ANK2: variants seen among roughly 807,000 people sequenced by gnomAD.
ANK2 encodes ankyrin-2.
In ANK2, 83 loss-of-function variants were observed where a neutral mutation model predicts 360.5. That is an observed-to-expected ratio of 0.23 (90% CI 0.19 to 0.28). ANK2 has a LOEUF of 0.28. ANK2 is among the 10% of genes least tolerant of loss of function. ANK2 has a pLI of 1.00. For synonymous variants in ANK2, 1,740 were observed against 1,759.5 expected (o/e 0.99, Z 0.28); for missense variants, 4,201 against 4,795.7 (o/e 0.88, Z 3.66).
intron 10 of ANK2, among the ~76,000 whole-genome samples, chr4:113,252,713 T>C (rs2047124300): frequency 6.6e-6 from 1 of 152,192 alleles, no homozygotes; most frequent in South Asian, 2.1e-4. Context: ...ATTCACATCA[T>C]GCCCTTACCT....
At chr4:112,845,850 G>A (rs184668042) in intron 1 of ANK2, among the ~76,000 whole-genome samples, 3 of 152,272 alleles carry the variant, frequency 2.0e-5, no homozygotes, top group African/African-American at 4.8e-5. Flanking sequence ...TCTTCACATC[G>A]GTGGTTCTGG....
chr4:113,042,682 T>A (rs962731352), intron 2 of ANK2, among the ~76,000 whole-genome samples: 8 of 152,152 alleles, frequency 5.3e-5, no homozygotes, highest in Admixed American at 2.0e-4. Context: ...AAGCTACCAT[T>A]CAACTATGTG....
At chr4:112,910,984 A>T in intron 2 of ANK2, among the ~76,000 whole-genome samples, 1 of 126,606 alleles carries the variant, frequency 7.9e-6, no homozygotes. Flanking sequence ...TTTTAGATGG[A>T]GTCTCGCTCT....
At chr4:113,375,024 T>C (rs2096875307) in intron 45 of ANK2, 2 of 784,324 alleles carry the variant, frequency 2.5e-6, no homozygotes, top group Non-Finnish European at 3.2e-6. Flanking sequence ...TCGTTTGTCA[T>C]TGTATCATTC....
intron 2 of ANK2, among the ~76,000 whole-genome samples, chr4:112,973,477 C>A (rs570264909): frequency 5.4e-4 from 83 of 152,324 alleles, no homozygotes; most frequent in African/African-American, 1.9e-3. Flanking sequence ...GCTGTTCCAT[C>A]TTCTCTTTCC....
intron 9 of ANK2, among the ~76,000 whole-genome samples, chr4:113,247,966 C>T (rs2043950599): frequency 1.3e-5 from 2 of 152,330 alleles, no homozygotes; most frequent in East Asian, 3.9e-4. Flanking sequence ...TCATTGTCAT[C>T]ACTTTGCTGG....
the ANK2 span, among the ~76,000 whole-genome samples, chr4:112,771,861 A>G: frequency 1.3e-5 from 2 of 152,184 alleles, no homozygotes; most frequent in Non-Finnish European, 2.9e-5. Flanking sequence ...CTGAGATTAC[A>G]GGGGTGAGCC....
intron 1 of ANK2, among the ~76,000 whole-genome samples, chr4:113,124,489 G>C (rs1370078353): frequency 6.6e-6 from 1 of 152,020 alleles, no homozygotes; most frequent in East Asian, 1.9e-4. Flanking sequence ...CTTTTGTTTG[G>C]TTGGTTGGTC....
intron 2 of ANK2, among the ~76,000 whole-genome samples, chr4:113,033,192 C>CT (rs142064940): frequency 0.034 from 5,105 of 152,118 alleles, 276 homozygotes; most frequent in African/African-American, 0.11. Flanking sequence ...GATAACATCT[C>CT]TATTTTGTAT....
intron 2 of ANK2, among the ~76,000 whole-genome samples, chr4:112,920,869 G>A (rs1334340404): frequency 1.3e-5 from 2 of 152,036 alleles, no homozygotes; most frequent in African/African-American, 4.8e-5. Flanking sequence ...TGCTTTGAAT[G>A]CCAAATAGAA....
chr4:113,085,378 A>G (rs777568006), intron 1 of ANK2, among the ~76,000 whole-genome samples: 7 of 151,930 alleles, frequency 4.6e-5, no homozygotes, highest in Admixed American at 3.3e-4. Flanking sequence ...CAGTGGCCCA[A>G]TCTTGGCTCA....
chr4:113,100,702 A>C (rs1562066035), intron 1 of ANK2, among the ~76,000 whole-genome samples: 1 of 152,112 alleles, frequency 6.6e-6, no homozygotes, highest in Non-Finnish European at 1.5e-5. Flanking sequence ...CTTTATTCAT[A>C]ATTGTGAAAA....
At position 113,364,984 on chromosome 4, in the gene ANK2, AG is replaced by A. The variant is rs1157830889; in HGVS notation, c.10889-54del. 6.2e-6 allele frequency: 10 copies of A among 1,610,000 alleles called. No individual in the cohort carries two copies. In the African/African-American group the frequency reaches 1.1e-4, roughly 17 times the overall value. On this transcript the variant is annotated intron_variant, in intron 40 of 45. Transcript: ENST00000357077. ...ATTTAGTAAGGCAGTTGAGTGAAAG[AG>A]ATTTTTAAGAGTACCTCTCAGACAT... is the stretch of plus-strand genomic sequence containing the variant.
At chr4:113,380,017 C>T (rs1261912747) in intron 45 of ANK2, among the ~76,000 whole-genome samples, 1 of 152,096 alleles carries the variant, frequency 6.6e-6, no homozygotes, top group Non-Finnish European at 1.5e-5. Flanking sequence ...GAATCTTTGA[C>T]TCTTGGTCCC....
intron 33 of ANK2, among the ~76,000 whole-genome samples, chr4:113,342,419 G>A (rs1563910937): frequency 6.6e-6 from 1 of 152,072 alleles, no homozygotes; most frequent in Non-Finnish European, 1.5e-5. Flanking sequence ...TACCCAAGCA[G>A]GCCAGGTGTG....
At chr4:113,264,161 A>C (rs992988960) in intron 13 of ANK2, among the ~76,000 whole-genome samples, 12 of 152,202 alleles carry the variant, frequency 7.9e-5, no homozygotes, top group African/African-American at 2.9e-4. Flanking sequence ...GGGCAAATCA[A>C]ATTTCTTGTC....
chr4:113,066,725 C>G (rs1255084638), intron 1 of ANK2, among the ~76,000 whole-genome samples: 2 of 152,068 alleles, frequency 1.3e-5, no homozygotes, highest in Non-Finnish European at 2.9e-5. Flanking sequence ...CCCTGCACAT[C>G]CAGTGAAGAA....
chr4:113,299,646 AG>A (rs2073888527), intron 22 of ANK2, among the ~76,000 whole-genome samples: 1 of 151,336 alleles, frequency 6.6e-6, no homozygotes. Context: ...CGGAGGTTGC[AG>A]TGAGCTGAGA....
chr4:113,036,992 A>C (rs2061750360), intron 2 of ANK2, among the ~76,000 whole-genome samples: 1 of 151,988 alleles, frequency 6.6e-6, no homozygotes, highest in Non-Finnish European at 1.5e-5. Context: ...TGTACACATT[A>C]CTTTAATTGG....
Sources: allele counts gnomAD v4.1 joint callset (sites outside exome capture counted in the v4.1 genomes callset), GRCh38; gene constraint gnomAD v4.1.1; transcripts MANE v1.5; gene names NCBI Gene and HGNC (gene_info 2026-07-23, HGNC 2026-07-21).